Variants in DCUN1D3 observed in about 807,000 individuals in gnomAD.
The protein encoded by DCUN1D3 is defective in cullin neddylation 1 domain containing 3.
Under a neutral mutation model 24.8 loss-of-function variants are expected in DCUN1D3, and 6 were observed. The ratio of observed to expected loss-of-function variants is 0.24; its 90% CI spans 0.13 to 0.48. DCUN1D3 has a LOEUF of 0.48. DCUN1D3 is among the 20% of genes least tolerant of loss of function. The probability of loss-of-function intolerance (pLI) is 0.99; values close to 1 mark genes in which losing one functional copy is unlikely to be tolerated. For synonymous variants in DCUN1D3, 120 were observed against 144.9 expected, an observed-to-expected ratio of 0.83 and a Z score of 1.24; for missense variants, 258 against 379.4, an observed-to-expected ratio of 0.68 and a Z score of 2.66.
At chr16:20,891,178 G>A (rs1229811651) in intron 1 of DCUN1D3, among the ~76,000 whole-genome samples, 1 of 151,912 alleles carries the variant, frequency 6.6e-6, no homozygotes, top group Admixed American at 6.6e-5. Context: ...ATTTTTAGTA[G>A]AGATGGGGTT....
chr16:20,863,115 G>A (rs1424741335), intron 1 of DCUN1D3, among the ~76,000 whole-genome samples: 1 of 152,198 alleles, frequency 6.6e-6, no homozygotes, highest in Non-Finnish European at 1.5e-5. Context: ...CAGAACAATA[G>A]TCTCATAATG....
rs143320087 is a variant in DCUN1D3 at position 20,867,472 on chromosome 16, G to A, written c.-105-4829C>T. 1.9e-3 allele frequency among the ~76,000 whole-genome samples: 282 copies of A among 152,320 alleles called. 1 individual carries two copies. The highest frequency in any genetic ancestry group is 5.4e-3 in the African/African-American group (224 of 41,564). ...AGTCCAGATGCCCTAAACGTGTGAC[G>A]TTTTTGTCCACCAGCACAGTTAAAA... On this transcript the variant is annotated intron_variant, in intron 1 of 2. Coordinates refer to ENST00000324344, the MANE Select transcript of DCUN1D3 (RefSeq NM_173475.4).
chr16:20,879,867 T>A (rs1344471747), intron 1 of DCUN1D3, among the ~76,000 whole-genome samples: 2 of 152,358 alleles, frequency 1.3e-5, no homozygotes, highest in East Asian at 3.9e-4. Flanking sequence ...AGTCTCATTA[T>A]CCACCACTGC....
At chr16:20,874,105 C>G (rs2081802860) in intron 1 of DCUN1D3, among the ~76,000 whole-genome samples, 1 of 152,170 alleles carries the variant, frequency 6.6e-6, no homozygotes, top group Non-Finnish European at 1.5e-5. Context: ...GAGTCCCTAC[C>G]AAGACACAGC....
chr16:20,895,791 T>A (rs779612503), intron 1 of DCUN1D3, among the ~76,000 whole-genome samples: 3 of 152,134 alleles, frequency 2.0e-5, no homozygotes, highest in Non-Finnish European at 4.4e-5. Flanking sequence ...TGCAAAGAGC[T>A]CCAGAACAGT....
At chr16:20,884,396 C>T (rs989521077) in intron 1 of DCUN1D3, among the ~76,000 whole-genome samples, 2 of 152,184 alleles carry the variant, frequency 1.3e-5, no homozygotes, top group Non-Finnish European at 2.9e-5. Context: ...GTGAATGTCA[C>T]AACTCGGCCC....
intron 1 of DCUN1D3, among the ~76,000 whole-genome samples, chr16:20,863,259 A>C (rs1596628478): frequency 6.6e-6 from 1 of 152,036 alleles, no homozygotes; most frequent in Non-Finnish European, 1.5e-5. Flanking sequence ...GCTTTGCCCT[A>C]CTCCATCCAC....
Position 20,859,619 on chromosome 16 carries a change from G to T in DCUN1D3, c.*267C>A. 4.0e-6 allele frequency: 1 copy of T among 250,320 alleles called. No homozygotes were observed. Among genetic ancestry groups the T allele is most frequent in the East Asian group, 8.5e-5 (1 of 11,796 alleles). 15.5% of individuals were successfully genotyped at this position (250,320 alleles called of 1,614,324 possible). ...AAGAAATGGCAGGCTTATTCTATCT[G>T]AAGGCTTCAAAAAAAGATACACAAC... On this transcript the variant is annotated 3_prime_UTR_variant, in exon 3 of 3. Coordinates refer to ENST00000324344, the MANE Select transcript of DCUN1D3 (RefSeq NM_173475.4).
chr16:20,879,322 A>G (rs1026950078), intron 1 of DCUN1D3, among the ~76,000 whole-genome samples: 2 of 152,344 alleles, frequency 1.3e-5, no homozygotes, highest in African/African-American at 4.8e-5. Flanking sequence ...CTTGTGTCAA[A>G]TGATGGAAAA....
intron 1 of DCUN1D3, among the ~76,000 whole-genome samples, chr16:20,894,559 A>C (rs775865745): frequency 1.3e-5 from 2 of 152,202 alleles, no homozygotes; most frequent in Non-Finnish European, 2.9e-5. Flanking sequence ...ATGCTTCCCA[A>C]CACTATGCAA....
chr16:20,898,556 ATTC>A (rs1489653921), intron 1 of DCUN1D3, among the ~76,000 whole-genome samples: 1 of 152,254 alleles, frequency 6.6e-6, no homozygotes, highest in Admixed American at 6.5e-5. Flanking sequence ...AACAGTAGTC[ATTC>A]TTCTGTTGTA....
chr16:20,884,977 CT>C (rs11365673), intron 1 of DCUN1D3, among the ~76,000 whole-genome samples: 58,564 of 122,396 alleles, frequency 0.48, 12,890 homozygotes, highest in East Asian at 0.75. Context: ...CACCATTTTG[CT>C]TTTTTTTTTT....
intron 1 of DCUN1D3, among the ~76,000 whole-genome samples, chr16:20,885,174 C>T (rs2081862895): frequency 1.3e-5 from 2 of 152,006 alleles, no homozygotes; most frequent in African/African-American, 2.4e-5. Context: ...CATGGTTTCA[C>T]CATGTTGGCC....
chr16:20,868,806 A>C (rs555458717), intron 1 of DCUN1D3: 5 of 152,236 alleles, frequency 3.3e-5, no homozygotes, highest in Admixed American at 6.5e-5. Flanking sequence ...AAGAAAAGGC[A>C]GAAGAAAGAA....
intron 1 of DCUN1D3, among the ~76,000 whole-genome samples, chr16:20,887,955 T>A (rs556642178): frequency 6.6e-6 from 1 of 152,300 alleles, no homozygotes; most frequent in East Asian, 1.9e-4. Flanking sequence ...AGATTTTCCA[T>A]CTCTGGGTTT....
At chr16:20,887,555 C>A (rs533593218) in intron 1 of DCUN1D3, among the ~76,000 whole-genome samples, 2 of 152,250 alleles carry the variant, frequency 1.3e-5, no homozygotes, top group East Asian at 3.9e-4. Flanking sequence ...GCAATGGTGG[C>A]AGAGTCTAGA....
intron 1 of DCUN1D3, among the ~76,000 whole-genome samples, chr16:20,890,853 T>C (rs2081889033): frequency 6.6e-6 from 1 of 151,844 alleles, no homozygotes. Flanking sequence ...AGAGCACTGC[T>C]TGCAGGTCGG....
At position 20,862,163 on chromosome 16, in the gene DCUN1D3, G is replaced by A. The variant is rs2081736769; in HGVS notation, c.376C>T (p.Arg126Ter). The A allele has an allele frequency of 1.9e-6, 3 of 1,614,194 alleles. No individual in the cohort carries two copies. The highest frequency in any genetic ancestry group is 2.5e-6 in the Non-Finnish European group (3 of 1,180,032). Residue 126 changes from arginine (R) to a stop codon, truncating the protein, a stop_gained, in exon 2 of 3, where the codon CGA becomes TGA. Coordinates refer to ENST00000324344, the MANE Select transcript of DCUN1D3 (RefSeq NM_173475.4). LOFTEE classifies it high-confidence loss of function. ...NDLCVDPTEF[R>*]VLLLAWKFQA... ...AACTTCCAAGCCAAGAGCAGCACTC[G>A]AAATTCTGTGGGGTCAACACACAGG...
intron 1 of DCUN1D3, among the ~76,000 whole-genome samples, chr16:20,893,025 G>A (rs914493240): frequency 4.6e-5 from 7 of 152,120 alleles, no homozygotes; most frequent in African/African-American, 1.7e-4. Context: ...CAAACACCAA[G>A]GATTCAATTA....
Sources: allele counts gnomAD v4.1 joint callset (sites outside exome capture counted in the v4.1 genomes callset), GRCh38; gene constraint gnomAD v4.1.1; transcripts MANE v1.5; gene names NCBI Gene and HGNC (gene_info 2026-07-23, HGNC 2026-07-21).